Variants in DOCK8 observed in about 807,000 individuals in gnomAD.
The protein encoded by DOCK8 is dedicator of cytokinesis protein 8.
DOCK8 carries 141 observed loss-of-function variants against 245.6 expected under a neutral mutation model. The ratio of observed to expected loss-of-function variants is 0.57; its 90% confidence interval spans 0.50 to 0.66. The LOEUF (loss-of-function observed/expected upper bound fraction) is 0.66, where lower values mean the gene tolerates loss of function less well. Among genes scored for constraint, DOCK8 ranks in the 30% least tolerant of loss-of-function variants. The probability of loss-of-function intolerance (pLI) is 0.00; values close to 1 mark genes in which losing one functional copy is unlikely to be tolerated. For missense variants in DOCK8, 2,965 were observed against 2,603.4 expected (o/e 1.14, Z -3.02); for synonymous variants, 1,168 against 970.2 (o/e 1.20, Z -3.79).
rs561428983 is a variant in DOCK8 at position 385,526 on chromosome 9, C to T, written c.2779-805C>T. ...CAATATCTAAGTTCTTCCTTCTTTA[C>T]GTTTACTGTGTCTGTGTGATGGAAA... On this transcript the variant is annotated intron_variant, in intron 22 of 47. Transcript: ENST00000432829. 4.5e-4 allele frequency among the ~76,000 whole-genome samples: 69 copies of T among 152,290 alleles called. No individual in the cohort carries two copies. The South Asian group carries it at 6.8e-3, about 15-fold the overall frequency.
Position 223,740 on chromosome 9 carries a change from G to A in DOCK8, c.53+8711G>A, listed in dbSNP as rs145761216. On this transcript the variant is annotated intron_variant, in intron 1 of 47. Coordinates refer to ENST00000432829, the MANE Select transcript of DOCK8 (RefSeq NM_203447.4). ...TCTCCACTTAACAGAATTAACATCT[G>A]TTAACATTTTGTCACTTTTGCTTTA... Among the ~76,000 whole-genome samples, 41 of 151,148 alleles carry A rather than the reference G, an allele frequency of 2.7e-4. 1 individual carries two copies. The highest frequency in any genetic ancestry group is 1.0e-3 in the African/African-American group (41 of 41,114).
At chr9:215,208 G>T in intron 1 of DOCK8, 179 bp downstream of exon 1, 2 of 1,527,372 alleles carry the variant, frequency 1.3e-6, no homozygotes, top group African/African-American at 1.4e-5. Flanking sequence ...GACGCGCGGC[G>T]GCTCCTGCGC....
intron 2 of DOCK8, among the ~76,000 whole-genome samples, chr9:275,214 T>C (rs1047382410): frequency 1.4e-4 from 20 of 139,852 alleles, no homozygotes; most frequent in African/African-American, 5.8e-4. Flanking sequence ...ATTGCTCTCT[T>C]ACGATTTGGC....
chr9:331,110 C>G (rs2130849961), intron 9 of DOCK8, among the ~76,000 whole-genome samples: 1 of 152,324 alleles, frequency 6.6e-6, no homozygotes, highest in East Asian at 1.9e-4. Flanking sequence ...TAGCTTCCTT[C>G]CAATTTGTTC....
At chr9:336,483 C>G in intron 11 of DOCK8, 99 bp from the exon 12 acceptor site, 2 of 1,515,122 alleles carry the variant, frequency 1.3e-6, no homozygotes, top group South Asian at 2.3e-5. Context: ...ATTCAGTGTT[C>G]CTGATCAGTG....
chr9:354,150 G>T (rs2052311457), intron 14 of DOCK8, among the ~76,000 whole-genome samples: 1 of 152,146 alleles, frequency 6.6e-6, no homozygotes, highest in Admixed American at 6.5e-5. Flanking sequence ...TGGACAACTT[G>T]GCAAAACCCT....
chr9:441,105 G>A (rs947844274), intron 40 of DOCK8, among the ~76,000 whole-genome samples, 181 bp from the exon 41 acceptor site: 2 of 152,124 alleles, frequency 1.3e-5, no homozygotes, highest in Non-Finnish European at 2.9e-5. Flanking sequence ...GAGGTGTCTA[G>A]TTCAGTTTGA....
chr9:382,974 A>G (rs1304086205), intron 22 of DOCK8, among the ~76,000 whole-genome samples: 1 of 152,104 alleles, frequency 6.6e-6, no homozygotes, highest in African/African-American at 2.4e-5. Context: ...TAAACCATGC[A>G]TTTTATTTTC....
intron 14 of DOCK8, 81 bp from the exon 15 acceptor site, chr9:367,937 G>C (rs1586816707): frequency 8.5e-7 from 1 of 1,174,808 alleles, no homozygotes. Context: ...CCCATGAATG[G>C]AAGTCTCAGC....
intron 1 of DOCK8, chr9:268,283 G>A (rs1334230652): frequency 2.6e-5 from 4 of 152,186 alleles, no homozygotes; most frequent in Non-Finnish European, 4.4e-5. Flanking sequence ...TCTGTAGGGA[G>A]AGAAAATAGG....
At chr9:291,208 A>G (rs147310809) in intron 4 of DOCK8, among the ~76,000 whole-genome samples, 8 of 152,286 alleles carry the variant, frequency 5.3e-5, no homozygotes, top group East Asian at 3.9e-4. Flanking sequence ...TTTATTTTCT[A>G]TTTCGGGCTT....
At chr9:318,193 G>C (rs748449730) in intron 7 of DOCK8, among the ~76,000 whole-genome samples, 98 of 152,178 alleles carry the variant, frequency 6.4e-4, no homozygotes, top group Admixed American at 2.8e-3. Context: ...TCAAGAATTA[G>C]TTCTCCTTCA....
intron 11 of DOCK8, among the ~76,000 whole-genome samples, chr9:335,340 C>T (rs569366271): frequency 6.6e-6 from 1 of 152,146 alleles, no homozygotes; most frequent in South Asian, 2.1e-4. Flanking sequence ...GTTTCTCTTT[C>T]CCTAAATGCT....
intron 1 of DOCK8, among the ~76,000 whole-genome samples, chr9:269,947 C>T (rs138097880): frequency 7.3e-4 from 111 of 152,290 alleles, no homozygotes; most frequent in African/African-American, 2.6e-3. Flanking sequence ...TCAGGAACTG[C>T]CAGATGGCTT....
In DOCK8 at chr9:377,029, TGACCTTC is replaced by T. The variant is rs2053545913; in HGVS notation, c.2259_2265del (p.Thr754ProfsTer18). The stretch of plus-strand genomic sequence containing the variant: ...CTCTGCCACTCCCTGGAGAGCCAGG[TGACCTTC>T]CCCATCCGCGTGCTGGATCAGAAAA... On this transcript the variant is annotated frameshift_variant, in exon 20 of 48. Coordinates refer to ENST00000432829, the MANE Select transcript of DOCK8 (RefSeq NM_203447.4). LOFTEE classifies it high-confidence loss of function. 6.2e-7 allele frequency: 1 copy of T among 1,613,942 alleles called. No homozygotes were observed. Among genetic ancestry groups the T allele is most frequent in the Non-Finnish European group, 8.5e-7 (1 of 1,180,026 alleles).
At chr9:444,170 T>G (rs567132147) in intron 43 of DOCK8, among the ~76,000 whole-genome samples, 3 of 151,708 alleles carry the variant, frequency 2.0e-5, no homozygotes, top group Admixed American at 6.6e-5. Flanking sequence ...CACGTGGAGG[T>G]GGTATCAGCT....
At chr9:394,971 C>T (rs1464507160) in intron 24 of DOCK8, among the ~76,000 whole-genome samples, 1 of 152,208 alleles carries the variant, frequency 6.6e-6, no homozygotes, top group Non-Finnish European at 1.5e-5. Flanking sequence ...CCAAATACAG[C>T]AGTGAGTTCT....
At chr9:233,306 T>C (rs986977413) in intron 1 of DOCK8, among the ~76,000 whole-genome samples, 27 of 152,204 alleles carry the variant, frequency 1.8e-4, no homozygotes, top group Non-Finnish European at 3.4e-4. Flanking sequence ...TGAGGAGTGC[T>C]TTACTGCCAA....
intron 1 of DOCK8, among the ~76,000 whole-genome samples, chr9:237,957 C>A (rs1340132574): frequency 6.6e-6 from 1 of 152,146 alleles, no homozygotes; most frequent in Non-Finnish European, 1.5e-5. Context: ...AAATTATTCA[C>A]TCCCACTTGT....
Sources: gnomAD v4.1 joint callset for allele counts (sites outside exome capture counted in the v4.1 genomes callset) on GRCh38, gnomAD v4.1.1 for gene constraint, MANE v1.5 for transcripts, NCBI Gene and HGNC (gene_info 2026-07-23, HGNC 2026-07-21) for gene names.